The following ABCG1 variants were observed in gnomAD, a reference collection of about 807,000 sequenced individuals.
ABCG1 encodes the protein ATP binding cassette subfamily G member 1, also known as ATP-binding cassette sub-family G member 1.
Under a neutral mutation model 69.2 loss-of-function variants are expected in ABCG1, and 29 were observed. That is an observed-to-expected ratio of 0.42 (90% CI 0.31 to 0.57). ABCG1 has a LOEUF of 0.57. Ranked by LOEUF, ABCG1 falls within the 20% of genes least tolerant of loss-of-function variation. The probability of loss-of-function intolerance (pLI) is 0.15; values close to 1 mark genes in which losing one functional copy is unlikely to be tolerated. For synonymous variants in ABCG1, 370 were observed against 374.8 expected (o/e 0.99, Z 0.15); for missense variants, 718 against 898.1 (o/e 0.80, Z 2.56).
intron 7 of ABCG1, 139 bp from the exon 8 acceptor site, chr21:42,285,741 G>A (rs73364621): frequency 1.5e-6 from 1 of 686,314 alleles, no homozygotes. Flanking sequence ...GTGATGTAAA[G>A]CTCTCAGGAG....
chr21:42,235,600 G>A (rs1420830442), intron 2 of ABCG1, among the ~76,000 whole-genome samples: 1 of 152,206 alleles, frequency 6.6e-6, no homozygotes, highest in Non-Finnish European at 1.5e-5. Context: ...CCCAAAGGGG[G>A]ACTTCCAGGT....
At chr21:42,249,941 G>T (rs2068192332) in intron 2 of ABCG1, among the ~76,000 whole-genome samples, 1 of 151,668 alleles carries the variant, frequency 6.6e-6, no homozygotes, top group South Asian at 2.1e-4. Flanking sequence ...GGAGGCGGAG[G>T]TTGCAGTCAG....
At chr21:42,221,615 C>T (rs1031032936) in intron 1 of ABCG1, among the ~76,000 whole-genome samples, 3 of 152,192 alleles carry the variant, frequency 2.0e-5, no homozygotes, top group Non-Finnish European at 4.4e-5. Flanking sequence ...GGTATGATGC[C>T]TTTGGTATTT....
At chr21:42,255,478 G>A (rs1244499492) in intron 2 of ABCG1, among the ~76,000 whole-genome samples, 1 of 152,142 alleles carries the variant, frequency 6.6e-6, no homozygotes, top group Non-Finnish European at 1.5e-5. Flanking sequence ...GTGCCTGTGT[G>A]CACATGGTGT....
At position 42,296,645 on chromosome 21, in the gene ABCG1, A is replaced by G; in HGVS notation, c.*253A>G. 1 of 486,628 alleles carries G rather than the reference A, an allele frequency of 2.1e-6. No homozygotes were observed. The highest frequency in any genetic ancestry group is 3.8e-6 in the Non-Finnish European group (1 of 266,182). 30.1% of individuals were successfully genotyped at this position (486,628 alleles called of 1,614,324 possible). Reference sequence around the variant, plus strand: ...GGTGGTTTTTTTTTTTTTAACATACAGAATTTTAAATACCACAACTGGGGC... The same window carrying G: ...GGTGGTTTTTTTTTTTTTAACATACGGAATTTTAAATACCACAACTGGGGC... On this transcript the variant is annotated 3_prime_UTR_variant, in exon 15 of 15. Coordinates refer to ENST00000398449, the MANE Select transcript of ABCG1 (RefSeq NM_016818.3). This position sits in a 1 kb window ranked among gnomAD's most constrained non-coding sequence, Gnocchi z 5.4.
intron 1 of ABCG1, among the ~76,000 whole-genome samples, chr21:42,224,092 C>G (rs1262287030): frequency 2.0e-5 from 3 of 152,220 alleles, no homozygotes; most frequent in African/African-American, 7.2e-5. Flanking sequence ...GGGTAGAACC[C>G]AGCGCGTTCT....
rs1219238409 is a variant in ABCG1, at chr21:42,291,432, GC to G, written c.1495-65del. ...GCGGGGAAGGGCTGGCTGCCCAGGA[GC>G]TTTGCTGTTGGCCTGCTGTGGTGGG... On this transcript the variant is annotated intron_variant, in intron 12 of 14. Transcript: ENST00000398449. This position sits in a 1 kb window ranked among gnomAD's most constrained non-coding sequence, Gnocchi z 6.4. The G allele has an allele frequency of 1.3e-6, 2 of 1,562,478 alleles. No homozygotes were observed. Among genetic ancestry groups the G allele is most frequent in the African/African-American group, 2.7e-5 (2 of 74,144 alleles).
At chr21:42,277,672 T>C (rs1490171925) in intron 5 of ABCG1, among the ~76,000 whole-genome samples, 1 of 152,222 alleles carries the variant, frequency 6.6e-6, no homozygotes, top group Non-Finnish European at 1.5e-5. Context: ...GAAACCCCCC[T>C]TCTATAAGAT....
chr21:42,286,441 C>T (rs1407532087), intron 8 of ABCG1, among the ~76,000 whole-genome samples: 2 of 152,198 alleles, frequency 1.3e-5, no homozygotes, highest in African/African-American at 2.4e-5. Flanking sequence ...ATGCAATTCC[C>T]AGGACTCCGT....
intron 1 of ABCG1, among the ~76,000 whole-genome samples, chr21:42,200,140 A>T (rs4148084): frequency 6.6e-6 from 1 of 152,052 alleles, no homozygotes; most frequent in Non-Finnish European, 1.5e-5. Context: ...CGGTGTGAGG[A>T]TCCTGCACTC....
chr21:42,283,843 C>A (rs543670644), intron 6 of ABCG1, among the ~76,000 whole-genome samples: 6 of 60,666 alleles, frequency 9.9e-5, no homozygotes, highest in South Asian at 6.8e-4. Flanking sequence ...AAAGTCCCCC[C>A]GCCCAGATGA....
intron 1 of ABCG1, among the ~76,000 whole-genome samples, chr21:42,224,368 CG>C (rs996533150): frequency 6.6e-6 from 1 of 152,164 alleles, no homozygotes; most frequent in Non-Finnish European, 1.5e-5. Context: ...GAGGAGGCTT[CG>C]GGGTCGCTCC....
rs1432305297 is a variant in ABCG1, at chr21:42,271,160, C to T, written c.377C>T (p.Thr126Met). Residue 126 changes from threonine (T) to methionine (M), a missense_variant, in exon 3 of 15, where the codon ACG becomes ATG. By Grantham distance (81) the Thr-to-Met change is moderately conservative (BLOSUM62 -1). This residue lies in a region of ABCG1 where 514 missense variants were observed against 574.3 expected (regional missense o/e 0.90). Transcript: ENST00000398449. ...GGTCCTTCCGGGGCCGGGAAGTCCA[C>T]GCTGATGAACATCCTGGCTGGATAC... The part of the protein sequence containing the change: ...IMGPSGAGKS[T>M]LMNILAGYRE... 10 of 1,574,838 alleles carry T rather than the reference C, an allele frequency of 6.3e-6. No homozygotes were observed. The highest frequency in any genetic ancestry group is 2.4e-5 in the East Asian group (1 of 41,330).
chr21:42,214,555 T>C (rs1434146929), upstream of ABCG1, among the ~76,000 whole-genome samples: 1 of 152,188 alleles, frequency 6.6e-6, no homozygotes, highest in African/African-American at 2.4e-5. Flanking sequence ...CAGGGATGCG[T>C]CTCGAGCATG....
At chr21:42,206,231 T>A (rs2067541372) in intron 2 of ABCG1, among the ~76,000 whole-genome samples, 1 of 152,056 alleles carries the variant, frequency 6.6e-6, no homozygotes, top group African/African-American at 2.4e-5. Flanking sequence ...ACACCTGTAA[T>A]CCCAGCTACT....
Position 42,288,220 on chromosome 21 carries a change from T to A in ABCG1, c.1132T>A (p.Ser378Thr), listed in dbSNP as rs1216084615. 2 of 1,614,026 alleles carry A rather than the reference T, an allele frequency of 1.2e-6. No homozygotes were observed. Among genetic ancestry groups the A allele is most frequent in the Admixed American group, 1.7e-5 (1 of 59,998 alleles). The change falls in exon 10 of 15, where the codon TCC becomes ACC. Residue 378 changes from serine (S) to threonine (T), a missense_variant. Physicochemically the swap from Ser to Thr is moderately conservative, Grantham distance 58. Coordinates refer to ENST00000398449, the MANE Select transcript of ABCG1 (RefSeq NM_016818.3). The surrounding 1 kb of genome is among the most constrained non-coding windows in gnomAD (Gnocchi z 4.8). Reference protein sequence around the residue: ...WHRPSEEDSSSMEGCHSFSAS... With the variant: ...WHRPSEEDSSTMEGCHSFSAS... ...TTGCGTGTGTCCTCAGGACTCCTCG[T>A]CCATGGAAGGCTGCCACAGCTTCTC...
Position 42,225,766 on chromosome 21 carries a change from G to A in ABCG1, c.138G>A (p.Thr46=), listed in dbSNP as rs141619254. Residue 46 remains threonine (T), a synonymous_variant, in exon 2 of 15, where the codon ACG becomes ACA. Transcript: ENST00000398449. The part of the protein sequence containing the change: ...VVSSNMEATE[T]DLLNGHLKKV... ...CCAGCAACATGGAGGCCACTGAGAC[G>A]GACCTGCTGAATGGACATCTGAAAA... is the stretch of plus-strand genomic sequence containing the variant. 1,756 of 1,613,984 alleles carry A rather than the reference G, an allele frequency of 1.1e-3. 2 individuals carry two copies. Among genetic ancestry groups the A allele is most frequent in the Admixed American group, 1.6e-3 (95 of 60,010 alleles).
chr21:42,252,212 A>G (rs548305520), intron 2 of ABCG1, among the ~76,000 whole-genome samples: 1 of 152,322 alleles, frequency 6.6e-6, no homozygotes, highest in African/African-American at 2.4e-5. Context: ...AGGGAGAGCA[A>G]TAAGACCTCG....
At chr21:42,268,092 C>T (rs1035934309) in intron 2 of ABCG1, among the ~76,000 whole-genome samples, 3 of 152,172 alleles carry the variant, frequency 2.0e-5, no homozygotes, top group Non-Finnish European at 1.5e-5. Context: ...CTGGGCCTGG[C>T]TCTGGCAGTC....
Sources: allele counts gnomAD v4.1 joint callset (sites outside exome capture counted in the v4.1 genomes callset), GRCh38; gene constraint gnomAD v4.1.1; regional missense constraint gnomAD v4.1.1; non-coding constraint Gnocchi (gnomAD v3.1); transcripts MANE v1.5; gene names NCBI Gene and HGNC (gene_info 2026-07-23, HGNC 2026-07-21).